CEP63: variants seen among roughly 807,000 people sequenced by gnomAD.
CEP63 encodes centrosomal protein of 63 kDa.
In CEP63, 84 loss-of-function variants were observed where a neutral mutation model predicts 89.1. That is an observed-to-expected ratio of 0.94 (90% CI 0.79 to 1.13). The LOEUF (loss-of-function observed/expected upper bound fraction) is 1.13. Ranked by LOEUF, CEP63 falls within the 50% of genes most tolerant of loss-of-function variation. The pLI, the probability that CEP63 is intolerant of heterozygous loss-of-function variation, is 0.00. For synonymous variants in CEP63, 267 were observed against 272.5 expected, an observed-to-expected ratio of 0.98 and a Z score of 0.20; for missense variants, 838 against 813.3, an observed-to-expected ratio of 1.03 and a Z score of -0.37.
downstream of CEP63, chr3:134,565,108 G>C (rs1161047385): frequency 3.5e-6 from 1 of 284,236 alleles, no homozygotes; most frequent in Non-Finnish European, 5.3e-6. Flanking sequence ...AAAAGATTAG[G>C]GATTTGTAGT....
the CEP63 span, among the ~76,000 whole-genome samples, chr3:134,726,924 G>T: frequency 1.3e-5 from 2 of 152,114 alleles, no homozygotes; most frequent in South Asian, 4.2e-4. Flanking sequence ...GTCTTTGCAA[G>T]CACTTATTTT....
chr3:134,685,441 G>A, the CEP63 span, among the ~76,000 whole-genome samples: 1 of 152,182 alleles, frequency 6.6e-6, no homozygotes, highest in Non-Finnish European at 1.5e-5. Context: ...TTTATCCTTT[G>A]CCTTTTGTTC....
At chr3:134,680,687 A>G in the CEP63 span, among the ~76,000 whole-genome samples, 1 of 152,212 alleles carries the variant, frequency 6.6e-6, no homozygotes, top group Non-Finnish European at 1.5e-5. Context: ...ACCTCTTCCT[A>G]TTGAAAAACT....
chr3:134,710,154 G>A, the CEP63 span, among the ~76,000 whole-genome samples: 1 of 152,174 alleles, frequency 6.6e-6, no homozygotes, highest in Non-Finnish European at 1.5e-5. Flanking sequence ...GAGTCTGAAG[G>A]TCTAAGGCTG....
At chr3:134,505,546 A>G (rs1183041001) in intron 2 of CEP63, among the ~76,000 whole-genome samples, 1 of 152,180 alleles carries the variant, frequency 6.6e-6, no homozygotes, top group Non-Finnish European at 1.5e-5. Context: ...CCCAGATGGC[A>G]TGCACAGGCA....
the CEP63 span, among the ~76,000 whole-genome samples, chr3:134,655,650 C>G: frequency 6.6e-6 from 1 of 152,178 alleles, no homozygotes; most frequent in Non-Finnish European, 1.5e-5. Flanking sequence ...CACCTGCCCC[C>G]CTACCCTATA....
chr3:134,615,832 A>G, the CEP63 span, among the ~76,000 whole-genome samples: 1 of 152,242 alleles, frequency 6.6e-6, no homozygotes, highest in African/African-American at 2.4e-5. Context: ...TATAGGGGAC[A>G]TACTGCTAAC....
chr3:134,708,781 T>C, the CEP63 span, among the ~76,000 whole-genome samples: 5 of 152,152 alleles, frequency 3.3e-5, no homozygotes, highest in African/African-American at 7.2e-5. Flanking sequence ...CATGGAGGGA[T>C]GACCAAGCAA....
At chr3:134,663,985 A>G in the CEP63 span, among the ~76,000 whole-genome samples, 1 of 151,908 alleles carries the variant, frequency 6.6e-6, no homozygotes, top group Non-Finnish European at 1.5e-5. Context: ...GCTTGGGGAG[A>G]GCTTCTAGGC....
the CEP63 span, among the ~76,000 whole-genome samples, chr3:134,640,717 T>C: frequency 2.0e-5 from 3 of 152,168 alleles, no homozygotes; most frequent in Non-Finnish European, 2.9e-5. Flanking sequence ...TCATGTTTCT[T>C]TCCCAACCTG....
intron 12 of CEP63, among the ~76,000 whole-genome samples, chr3:134,555,937 T>C (rs1339306012): frequency 6.6e-6 from 1 of 151,576 alleles, no homozygotes; most frequent in Non-Finnish European, 1.5e-5. Flanking sequence ...TATAGATCAA[T>C]GGAACAGAAC....
At chr3:134,523,036 C>G (rs1947830944) in intron 3 of CEP63, among the ~76,000 whole-genome samples, 1 of 152,120 alleles carries the variant, frequency 6.6e-6, no homozygotes, top group African/African-American at 2.4e-5. Context: ...TAAGCGTTCT[C>G]TTTTCTCTGC....
downstream of CEP63, among the ~76,000 whole-genome samples, chr3:134,589,969 T>A (rs1958567577): frequency 6.6e-6 from 1 of 152,158 alleles, no homozygotes; most frequent in Non-Finnish European, 1.5e-5. Context: ...AGCTGGAGGC[T>A]ATTATCCTAA....
At chr3:134,531,546 C>T (rs1949854374) in intron 3 of CEP63, among the ~76,000 whole-genome samples, 1 of 152,132 alleles carries the variant, frequency 6.6e-6, no homozygotes, top group African/African-American at 2.4e-5. Flanking sequence ...TGCACCACTG[C>T]ACTCCAGCCT....
the CEP63 span, among the ~76,000 whole-genome samples, chr3:134,708,110 A>T: frequency 2.0e-5 from 3 of 152,208 alleles, no homozygotes; most frequent in Non-Finnish European, 4.4e-5. Flanking sequence ...TGGAGGGCTC[A>T]GGGCAGACAT....
chr3:134,629,833 T>C, the CEP63 span: 1 of 628,282 alleles, frequency 1.6e-6, no homozygotes, highest in East Asian at 2.8e-5. Context: ...TGTTTTTTTC[T>C]TTAAATCAAA....
At position 134,547,434 on chromosome 3, in the gene CEP63, G is replaced by C. The variant is rs553671761; in HGVS notation, c.1029G>C (p.Glu343Asp). 6.2e-7 allele frequency: 1 copy of C among 1,613,758 alleles called. No homozygotes were observed. The highest frequency in any genetic ancestry group is 1.3e-5 in the African/African-American group (1 of 74,990). Residue 343 changes from glutamate (E) to aspartate (D), a missense_variant, in exon 9 of 15, where the codon GAG (glutamate) becomes GAC (aspartate). Transcript: ENST00000675561. ...AGTTGAATTTTACCCATACTAGTGA[G>C]GACCTTCTGCAGGCAGAGGTGACTT... ...LSQLNFTHTS[E>D]DLLQAEVTCL...
chr3:134,681,047 G>A, the CEP63 span, among the ~76,000 whole-genome samples: 24 of 152,198 alleles, frequency 1.6e-4, no homozygotes, highest in South Asian at 2.1e-4. Flanking sequence ...GGCAGGCCTC[G>A]GAGCAGGACA....
At chr3:134,516,357 A>G (rs1337547057) in intron 3 of CEP63, among the ~76,000 whole-genome samples, 1 of 152,200 alleles carries the variant, frequency 6.6e-6, no homozygotes, top group Non-Finnish European at 1.5e-5. Flanking sequence ...GGAACATACA[A>G]TCGGGTTTTA....
Sources: allele counts gnomAD v4.1 joint callset (sites outside exome capture counted in the v4.1 genomes callset), GRCh38; gene constraint gnomAD v4.1.1; transcripts MANE v1.5; gene names NCBI Gene and HGNC (gene_info 2026-07-23, HGNC 2026-07-21).